CDC42EP1: variants seen among roughly 807,000 people sequenced by gnomAD.
The protein encoded by CDC42EP1 is CDC42 effector protein 1.
CDC42EP1 carries 6 observed loss-of-function variants against 7.4 expected under a neutral mutation model. That is an observed-to-expected ratio of 0.81 (90% CI 0.44 to 1.60). The LOEUF is 1.60. Among genes scored for constraint, CDC42EP1 ranks in the 40% most tolerant of loss-of-function variants. The probability of loss-of-function intolerance (pLI) is 0.01; values close to 1 mark genes in which losing one functional copy is unlikely to be tolerated. For synonymous variants in CDC42EP1, 238 were observed against 227.1 expected (o/e 1.05, Z -0.43); for missense variants, 567 against 539.0 (o/e 1.05, Z -0.51).
At chr22:37,561,797 C>T (rs1451951549) in intron 1 of CDC42EP1, among the ~76,000 whole-genome samples, 1 of 152,180 alleles carries the variant, frequency 6.6e-6, no homozygotes, top group Non-Finnish European at 1.5e-5. Flanking sequence ...GCCAGCACTG[C>T]GGCCTGCGGG....
Sources: allele counts gnomAD v4.1 joint callset (sites outside exome capture counted in the v4.1 genomes callset), GRCh38; gene constraint gnomAD v4.1.1; transcripts MANE v1.5; gene names NCBI Gene and HGNC (gene_info 2026-07-23, HGNC 2026-07-21).